CIDEA: variants seen among roughly 807,000 people sequenced by gnomAD.
The protein encoded by CIDEA is lipid transferase CIDEA.
CIDEA carries 10 observed loss-of-function variants against 18.2 expected under a neutral mutation model. The ratio of observed to expected loss-of-function variants is 0.55; its 90% confidence interval spans 0.34 to 0.93. CIDEA has a LOEUF of 0.93. Ranked by LOEUF, CIDEA falls within the 40% of genes least tolerant of loss-of-function variation. The pLI is 0.02. For missense variants in CIDEA, 309 were observed against 293.1 expected, an observed-to-expected ratio of 1.05 and a Z score of -0.40; for synonymous variants, 128 against 124.8, an observed-to-expected ratio of 1.03 and a Z score of -0.17.
chr18:12,272,278 T>C (rs1433662940), intron 3 of CIDEA, among the ~76,000 whole-genome samples: 1 of 152,028 alleles, frequency 6.6e-6, no homozygotes, highest in Non-Finnish European at 1.5e-5. Flanking sequence ...AGTGGCGCGA[T>C]CTCGGCTCAC....
At position 12,264,348 on chromosome 18, in the gene CIDEA, G is replaced by T; in HGVS notation, c.225G>T (p.Leu75=). 6.2e-7 allele frequency: 1 copy of T among 1,614,064 alleles called. No individual in the cohort carries two copies. Among genetic ancestry groups the T allele is most frequent in the Non-Finnish European group, 8.5e-7 (1 of 1,179,972 alleles). ...ALVIATGLVT[L]VLEEDGTVVD... is the part of the protein sequence containing the mutation. ...TCATCGCTACCGGACTGGTCACTCT[G>T]GTGCTGGAGGAAGATGGCACCGTGG... is the stretch of plus-strand genomic sequence containing the variant. Residue 75 remains leucine, a synonymous_variant, in exon 3 of 5, where the codon CTG becomes CTT. Transcript: ENST00000320477.
At chr18:12,271,815 G>A (rs1433786669) in intron 3 of CIDEA, among the ~76,000 whole-genome samples, 1 of 152,098 alleles carries the variant, frequency 6.6e-6, no homozygotes, top group Admixed American at 6.5e-5. Flanking sequence ...GCTGGAGCAG[G>A]AAGCCGCCAG....
At position 12,277,568 on chromosome 18, in the gene CIDEA, A is replaced by G. The variant is rs1298459862; in HGVS notation, c.*298A>G. 1.7e-5 allele frequency: 5 copies of G among 295,016 alleles called. No individual in the cohort carries two copies. The highest frequency in any genetic ancestry group is 4.3e-5 in the African/African-American group (2 of 46,980). The allele number at this position is 295,016 out of a possible 1,614,324, so 18.3% of individuals were successfully genotyped here. On this transcript the variant is annotated 3_prime_UTR_variant, in exon 5 of 5. Transcript: ENST00000320477. ...GCCATTTGGTCCATCATCTCCTGCAATAAACCCATCGCAAGAATGACCTTC... is the reference window on the plus strand; with the variant it reads ...GCCATTTGGTCCATCATCTCCTGCAGTAAACCCATCGCAAGAATGACCTTC...
intron 1 of CIDEA, among the ~76,000 whole-genome samples, chr18:12,255,697 G>T (rs749983085): frequency 2.6e-5 from 4 of 152,138 alleles, no homozygotes; most frequent in Non-Finnish European, 5.9e-5. Context: ...GGAGCATGGG[G>T]GAAGGAGGTG....
In CIDEA at chr18:12,264,471, C is replaced by CA; in HGVS notation, c.330+19dup. On this transcript the variant is annotated intron_variant, in intron 3 of 4. Transcript: ENST00000320477. ...GGATGCCGGTAAGCAAAAACACTGT[C>CA]ACCCAAACAGCTACTGGGTAGACTT... The CA allele has an allele frequency of 6.2e-7, 1 of 1,607,638 alleles. No homozygotes were observed. Among genetic ancestry groups the CA allele is most frequent in the Non-Finnish European group, 8.5e-7 (1 of 1,176,226 alleles).
At position 12,255,250 on chromosome 18, in the gene CIDEA, G is replaced by A. The variant is rs528060711; in HGVS notation, c.38+829G>A. 6.6e-5 allele frequency among the ~76,000 whole-genome samples: 10 copies of A among 152,378 alleles called. No homozygotes were observed. In the South Asian group the frequency reaches 2.1e-3, roughly 32 times the overall value. On this transcript the variant is annotated intron_variant, in intron 1 of 4. Transcript: ENST00000320477. ...CTCTGAAGATCAAGTACCTGGAAAA[G>A]GATAGAGAACCATTTGCGGGCTTGA...
chr18:12,272,163 T>TGGGGGGGGGGGGG (rs1568105900), intron 3 of CIDEA, among the ~76,000 whole-genome samples: 1 of 25,532 alleles, frequency 3.9e-5, no homozygotes, highest in African/African-American at 1.3e-4. Context: ...GGGGGGGGGT[T>TGGGGGGGGGGGGG]GGGGGGGGGT....
chr18:12,254,894 C>T, intron 1 of CIDEA: 1 of 1,280,766 alleles, frequency 7.8e-7, no homozygotes, highest in Non-Finnish European at 1.0e-6. Context: ...GGCTTGGCCC[C>T]TCCTGGAAGC....
intron 1 of CIDEA, among the ~76,000 whole-genome samples, chr18:12,261,026 T>C (rs530493804): frequency 4.6e-5 from 7 of 152,340 alleles, no homozygotes; most frequent in Admixed American, 6.5e-5. Context: ...AGGTAAGACC[T>C]GAACCCTTGC....
chr18:12,255,015 G>A (rs150232543), intron 1 of CIDEA: 240 of 1,085,294 alleles, frequency 2.2e-4, no homozygotes, highest in Non-Finnish European at 4.4e-5. Context: ...CGGAGACGCT[G>A]CCTGGGGAGC....
intron 1 of CIDEA, among the ~76,000 whole-genome samples, chr18:12,256,630 T>G (rs760290432): frequency 3.9e-4 from 59 of 152,348 alleles, no homozygotes; most frequent in Non-Finnish European, 6.3e-4. Context: ...GTTATAAGCT[T>G]CGTGTGAAAT....
intron 3 of CIDEA, among the ~76,000 whole-genome samples, chr18:12,273,583 T>C (rs1274721025): frequency 6.6e-6 from 1 of 152,118 alleles, no homozygotes; most frequent in Non-Finnish European, 1.5e-5. Flanking sequence ...GGGGGGTTAT[T>C]AAAACACAGA....
chr18:12,254,573 C>CACCCATCCGCGCACAT, intron 1 of CIDEA, 152 bp downstream of exon 1: 1 of 1,527,024 alleles, frequency 6.5e-7, no homozygotes, highest in Non-Finnish European at 8.8e-7. Flanking sequence ...CCCGCGCACA[C>CACCCATCCGCGCACAT]ACCCATCCGC....
chr18:12,265,398 C>T (rs1395569749), intron 3 of CIDEA, among the ~76,000 whole-genome samples: 1 of 152,248 alleles, frequency 6.6e-6, no homozygotes, highest in Non-Finnish European at 1.5e-5. Flanking sequence ...TGGGGTTCCC[C>T]CACCTGTGAG....
intron 3 of CIDEA, among the ~76,000 whole-genome samples, chr18:12,269,127 A>C (rs1157445061): frequency 6.6e-6 from 1 of 152,222 alleles, no homozygotes; most frequent in East Asian, 1.9e-4. Flanking sequence ...CACCAGGTTA[A>C]TTTAACTCAT....
intron 3 of CIDEA, among the ~76,000 whole-genome samples, chr18:12,272,276 G>T (rs751444637): frequency 1.3e-5 from 2 of 151,914 alleles, no homozygotes; most frequent in East Asian, 3.9e-4. Context: ...GCAGTGGCGC[G>T]ATCTCGGCTC....
intron 3 of CIDEA, among the ~76,000 whole-genome samples, chr18:12,267,243 G>A (rs893703426): frequency 6.6e-6 from 1 of 152,218 alleles, no homozygotes; most frequent in Admixed American, 6.5e-5. Flanking sequence ...AGCGTCCATG[G>A]CAGCAATGCC....
At chr18:12,257,996 C>T (rs1260693475) in intron 1 of CIDEA, among the ~76,000 whole-genome samples, 2 of 152,156 alleles carry the variant, frequency 1.3e-5, no homozygotes, top group African/African-American at 4.8e-5. Context: ...CTCATTCAAC[C>T]CCTTTCTGTG....
chr18:12,254,518 C>A (rs889503435), intron 1 of CIDEA, 97 bp downstream of exon 1: 7 of 1,539,846 alleles, frequency 4.5e-6, no homozygotes, highest in Non-Finnish European at 6.1e-6. Context: ...CCGTACCCCG[C>A]TCCCTTCAGC....
Sources: allele counts gnomAD v4.1 joint callset (sites outside exome capture counted in the v4.1 genomes callset), GRCh38; gene constraint gnomAD v4.1.1; transcripts MANE v1.5; gene names NCBI Gene and HGNC (gene_info 2026-07-23, HGNC 2026-07-21).